Variants in SHB observed in about 807,000 individuals in gnomAD.
SHB encodes the protein SH2 domain-containing adapter protein B.
In SHB, 20 loss-of-function variants were observed where a neutral mutation model predicts 52.3. The ratio of observed to expected loss-of-function variants is 0.38; its 90% CI spans 0.27 to 0.56. The LOEUF (loss-of-function observed/expected upper bound fraction) is 0.56. Ranked by LOEUF, SHB falls within the 20% of genes least tolerant of loss-of-function variation. The pLI is 0.71. For missense variants in SHB, 825 were observed against 723.3 expected (o/e 1.14, Z -1.61); for synonymous variants, 397 against 316.5 (o/e 1.25, Z -2.70).
chr9:38,040,441 C>T (rs540826999), intron 1 of SHB, among the ~76,000 whole-genome samples: 72 of 152,172 alleles, frequency 4.7e-4, no homozygotes, highest in Non-Finnish European at 9.3e-4. Context: ...TGTGTCGGCA[C>T]CCATGCAGTG....
At chr9:38,026,881 G>A (rs755088394) in intron 1 of SHB, among the ~76,000 whole-genome samples, 2 of 152,228 alleles carry the variant, frequency 1.3e-5, no homozygotes, top group African/African-American at 2.4e-5. Flanking sequence ...CAGGCAATGG[G>A]CTCTGTGCTG....
intron 2 of SHB, among the ~76,000 whole-genome samples, chr9:38,014,317 C>T (rs1409843978): frequency 6.6e-6 from 1 of 152,258 alleles, no homozygotes; most frequent in African/African-American, 2.4e-5. Context: ...GCAAGACTGA[C>T]AGAGCTGTAG....
intron 2 of SHB, among the ~76,000 whole-genome samples, chr9:38,000,465 A>G (rs1181758772): frequency 2.0e-5 from 3 of 152,180 alleles, no homozygotes; most frequent in Admixed American, 2.0e-4. Context: ...GCACTCATGG[A>G]TCTTCAGGGC....
chr9:38,052,163 G>C (rs1266600961), intron 1 of SHB, among the ~76,000 whole-genome samples: 2 of 152,070 alleles, frequency 1.3e-5, no homozygotes, highest in Non-Finnish European at 2.9e-5. Context: ...CCATCTCAAG[G>C]GCAGGTGACT....
chr9:38,003,941 G>T (rs1821049025), intron 2 of SHB, among the ~76,000 whole-genome samples: 1 of 152,186 alleles, frequency 6.6e-6, no homozygotes. Context: ...CCTGGCTCCA[G>T]GCCTCTGCTT....
At position 38,068,515 on chromosome 9, in the gene SHB, A is replaced by G. The variant is rs897677193; in HGVS notation, c.131T>C (p.Val44Ala). Reference sequence around the variant, plus strand: ...CGAGGCGGCGGAGGAGGCCTGCGGCACGGCCTGGGGGGGCTGCGAAGGCCG... The same window carrying G: ...CGAGGCGGCGGAGGAGGCCTGCGGCGCGGCCTGGGGGGGCTGCGAAGGCCG... ...GERPSQPPQA[V>A]PQASSAASAS... Residue 44 changes from valine (V) to alanine (A), a missense_variant, in exon 1 of 6, where the codon GTG (valine) becomes GCG (alanine). By Grantham distance (64) the Val-to-Ala change is moderately conservative. Transcript: ENST00000377707. The G allele has an allele frequency of 3.6e-5, 53 of 1,482,928 alleles. No individual in the cohort carries two copies. Among genetic ancestry groups the G allele is most frequent in the Admixed American group, 1.1e-4 (5 of 44,558 alleles). 91.9% of individuals were successfully genotyped at this position (1,482,928 alleles called of 1,614,324 possible).
intron 2 of SHB, among the ~76,000 whole-genome samples, chr9:37,986,904 G>A (rs576082618): frequency 2.5e-4 from 38 of 152,350 alleles, no homozygotes; most frequent in African/African-American, 9.1e-4. Context: ...ACAGCTGCAC[G>A]AAGGGCCAGC....
intron 1 of SHB, among the ~76,000 whole-genome samples, chr9:38,061,014 C>T (rs1013848459): frequency 6.6e-6 from 1 of 152,176 alleles, no homozygotes; most frequent in East Asian, 1.9e-4. Context: ...AAGTCAGAGA[C>T]GACCACCACC....
At chr9:37,947,012 C>T (rs1241804383) in intron 5 of SHB, among the ~76,000 whole-genome samples, 1 of 152,184 alleles carries the variant, frequency 6.6e-6, no homozygotes, top group Non-Finnish European at 1.5e-5. Flanking sequence ...GTGTGCACGC[C>T]CCCCTGCTGC....
chr9:38,044,477 CCT>C (rs1821621819), intron 1 of SHB, among the ~76,000 whole-genome samples: 1 of 152,214 alleles, frequency 6.6e-6, no homozygotes, highest in Non-Finnish European at 1.5e-5. Context: ...GGTCCTGAAT[CCT>C]TTGCAGATCA....
At chr9:37,955,842 G>GA (rs1290403430) in intron 4 of SHB, 41 bp downstream of exon 4, 1 of 1,585,484 alleles carries the variant, frequency 6.3e-7, no homozygotes, top group Non-Finnish European at 8.6e-7. Context: ...AAAACTAGGT[G>GA]AACTGGGAGG....
At chr9:37,997,143 A>C (rs1820956591) in intron 2 of SHB, among the ~76,000 whole-genome samples, 1 of 152,200 alleles carries the variant, frequency 6.6e-6, no homozygotes, top group Non-Finnish European at 1.5e-5. Context: ...TGAACTAGTC[A>C]TCGAACATCT....
chr9:37,919,953 G>GT lies in SHB; in HGVS notation c.1397dup (p.Tyr466Ter). 1.2e-6 allele frequency: 2 copies of GT among 1,614,078 alleles called. No individual in the cohort carries two copies. The highest frequency in any genetic ancestry group is 1.7e-6 in the Non-Finnish European group (2 of 1,179,928). Residue 466 changes from tyrosine to a stop codon, truncating the protein, a stop_gained and frameshift_variant, in exon 6 of 6, where the codon TAC (tyrosine) becomes TAAC (stop). Coordinates refer to ENST00000377707, the MANE Select transcript of SHB (RefSeq NM_003028.3). LOFTEE classifies it high-confidence loss of function. ...HMKLAKTKEK[Y>*]VLGQNSPPFD... ...ACGGAGGGCTGTTCTGACCCAGAAC[G>GT]TATTTCTCTTTGGTTTTGGCCAGTT...
chr9:38,033,893 G>T (rs994394737), intron 1 of SHB, among the ~76,000 whole-genome samples: 2 of 152,168 alleles, frequency 1.3e-5, no homozygotes, highest in African/African-American at 4.8e-5. Context: ...TTAAGAAGGG[G>T]GAGGTGGCTT....
chr9:37,983,185 A>G (rs1330405340), intron 2 of SHB, among the ~76,000 whole-genome samples: 4 of 152,208 alleles, frequency 2.6e-5, no homozygotes, highest in Non-Finnish European at 5.9e-5. Flanking sequence ...CCACAATCTG[A>G]TAACTAAGAG....
intron 2 of SHB, among the ~76,000 whole-genome samples, chr9:37,990,073 A>G (rs1820864185): frequency 2.6e-5 from 4 of 152,188 alleles, no homozygotes; most frequent in Admixed American, 2.6e-4. Context: ...GAAAGATGTC[A>G]TCAACTTCCA....
chr9:37,961,278 G>A (rs1389037688), intron 3 of SHB, among the ~76,000 whole-genome samples: 2 of 152,186 alleles, frequency 1.3e-5, no homozygotes, highest in Non-Finnish European at 2.9e-5. Context: ...GCCCTCTCCA[G>A]TCTCTTGTCT....
At chr9:38,041,676 C>A (rs1193833874) in intron 1 of SHB, among the ~76,000 whole-genome samples, 1 of 151,986 alleles carries the variant, frequency 6.6e-6, no homozygotes, top group African/African-American at 2.4e-5. Context: ...TTCCCAAAGG[C>A]AGTGGGAAGC....
chr9:37,932,434 A>C (rs898206629), intron 5 of SHB, among the ~76,000 whole-genome samples: 4 of 151,926 alleles, frequency 2.6e-5, no homozygotes, highest in African/African-American at 9.7e-5. Context: ...CAGAGGGTAC[A>C]AAAGAGCAGA....
Sources: gnomAD v4.1 joint callset for allele counts (sites outside exome capture counted in the v4.1 genomes callset) on GRCh38, gnomAD v4.1.1 for gene constraint, MANE v1.5 for transcripts, NCBI Gene and HGNC (gene_info 2026-07-23, HGNC 2026-07-21) for gene names.